PBX3: variants seen among roughly 807,000 people sequenced by gnomAD.
PBX3 encodes pre-B-cell leukemia transcription factor 3.
A neutral mutation model predicts 48.5 loss-of-function variants in PBX3; 14 were observed. That is an observed-to-expected ratio of 0.29 (90% CI 0.19 to 0.45). The LOEUF is 0.45. Among genes scored for constraint, PBX3 ranks in the 20% least tolerant of loss-of-function variants. The probability of loss-of-function intolerance (pLI) is 1.00; values close to 1 mark genes in which losing one functional copy is unlikely to be tolerated. For synonymous variants in PBX3, 210 were observed against 200.3 expected (o/e 1.05, Z -0.41); for missense variants, 386 against 546.7 (o/e 0.71, Z 2.93).
At chr9:125,761,156 T>C (rs1836655876) in intron 2 of PBX3, among the ~76,000 whole-genome samples, 1 of 152,122 alleles carries the variant, frequency 6.6e-6, no homozygotes, top group Non-Finnish European at 1.5e-5. Context: ...TCAGTGCCAA[T>C]AAATTATACA....
intron 2 of PBX3, among the ~76,000 whole-genome samples, chr9:125,804,961 AAAAAAGAAG>A (rs1838078103): frequency 1.7e-5 from 1 of 60,476 alleles, no homozygotes; most frequent in African/African-American, 3.7e-5. Context: ...AAAAAAAAAA[AAAAAAGAAG>A]AAGAAGAAGA....
At chr9:125,888,968 T>C (rs576867167) in intron 2 of PBX3, among the ~76,000 whole-genome samples, 1 of 152,264 alleles carries the variant, frequency 6.6e-6, no homozygotes, top group South Asian at 2.1e-4. Context: ...AAATGTACAT[T>C]TTTGGGTGTA....
chr9:125,847,492 T>G (rs111795829), intron 2 of PBX3, among the ~76,000 whole-genome samples: 3,898 of 152,032 alleles, frequency 0.026, 65 homozygotes, highest in Middle Eastern at 0.051. Flanking sequence ...TGTATTAAAT[T>G]TATAAAGCAG....
At chr9:125,809,421 A>C (rs1341428554) in intron 2 of PBX3, among the ~76,000 whole-genome samples, 1 of 151,092 alleles carries the variant, frequency 6.6e-6, no homozygotes, top group Non-Finnish European at 1.5e-5. Context: ...TTTCCATCTC[A>C]ATGCTGATTT....
chr9:125,838,713 A>G (rs769738779), intron 2 of PBX3, among the ~76,000 whole-genome samples: 1 of 152,260 alleles, frequency 6.6e-6, no homozygotes, highest in Non-Finnish European at 1.5e-5. Flanking sequence ...AGTGACAAAA[A>G]TATAGATAGA....
At chr9:125,824,031 G>A (rs907958209) in intron 2 of PBX3, among the ~76,000 whole-genome samples, 4 of 151,060 alleles carry the variant, frequency 2.6e-5, no homozygotes. Context: ...AGCTGAGATC[G>A]TGCCACTGCA....
At chr9:125,938,981 ATG>A (rs144168364) in intron 5 of PBX3, among the ~76,000 whole-genome samples, 30 of 151,006 alleles carry the variant, frequency 2.0e-4, no homozygotes, top group African/African-American at 5.6e-4. Flanking sequence ...TTGCATGTAT[ATG>A]TGTGTGTGTG....
At chr9:125,912,972 TG>T (rs1332758883) in intron 2 of PBX3, among the ~76,000 whole-genome samples, 1 of 152,070 alleles carries the variant, frequency 6.6e-6, no homozygotes, top group Non-Finnish European at 1.5e-5. Context: ...AGGAATAAAA[TG>T]GTAACTAAAT....
chr9:125,822,882 C>T (rs1838693684), intron 2 of PBX3, among the ~76,000 whole-genome samples: 1 of 151,882 alleles, frequency 6.6e-6, no homozygotes. Flanking sequence ...TGAAACACCC[C>T]ATAATGAGTA....
At chr9:125,940,999 G>A (rs1206070466) in intron 5 of PBX3, among the ~76,000 whole-genome samples, 1 of 152,064 alleles carries the variant, frequency 6.6e-6, no homozygotes, top group East Asian at 1.9e-4. Flanking sequence ...ACAAAAACAA[G>A]CCTGCCTTCA....
intron 2 of PBX3, among the ~76,000 whole-genome samples, chr9:125,826,177 G>C (rs540566672): frequency 6.6e-6 from 1 of 151,966 alleles, no homozygotes; most frequent in Non-Finnish European, 1.5e-5. Context: ...ATCTTACCAG[G>C]TTCTTTTGAG....
At chr9:125,846,198 C>T (rs970214623) in intron 2 of PBX3, among the ~76,000 whole-genome samples, 2 of 151,904 alleles carry the variant, frequency 1.3e-5, no homozygotes, top group Non-Finnish European at 2.9e-5. Flanking sequence ...GACAGAAAAA[C>T]ACAGTTATAA....
Position 125,950,670 on chromosome 9 carries a change from C to T in PBX3, c.844-10014C>T, listed in dbSNP as rs374753983. 1.9e-3 allele frequency among the ~76,000 whole-genome samples: 287 copies of T among 152,012 alleles called. 2 individuals carry two copies. Among genetic ancestry groups the T allele is most frequent in the African/African-American group, 6.4e-3 (264 of 41,484 alleles). On this transcript the variant is annotated intron_variant, in intron 5 of 8. Coordinates refer to ENST00000373489, the MANE Select transcript of PBX3 (RefSeq NM_006195.6). ...CTAATTTTTGTATTTTTAGTAGAGA[C>T]GGGGTTTCACCATGTTGGCCAGGCT...
intron 2 of PBX3, among the ~76,000 whole-genome samples, 180 bp from the exon 3 acceptor site, chr9:125,915,506 T>G (rs906978158): frequency 7.9e-5 from 12 of 152,158 alleles, no homozygotes; most frequent in African/African-American, 2.9e-4. Context: ...AACACTATCT[T>G]AAAAATAATT....
intron 2 of PBX3, among the ~76,000 whole-genome samples, chr9:125,866,534 A>T (rs952675643): frequency 2.0e-5 from 3 of 152,202 alleles, no homozygotes; most frequent in Non-Finnish European, 4.4e-5. Flanking sequence ...AGATGAACAA[A>T]GACATCTCTC....
intron 2 of PBX3, among the ~76,000 whole-genome samples, chr9:125,818,717 C>T (rs746770897): frequency 3.3e-5 from 5 of 151,968 alleles, no homozygotes; most frequent in Non-Finnish European, 5.9e-5. Flanking sequence ...TGGTCTTGAA[C>T]TCCTGGGCTC....
rs1047901948 is a variant in PBX3 at position 125,967,123 on chromosome 9, G to A, written c.*1200G>A. 3.3e-5 allele frequency: 5 copies of A among 149,434 alleles called. No homozygotes were observed. Among genetic ancestry groups the A allele is most frequent in the Admixed American group, 6.7e-5 (1 of 14,930 alleles). The allele number at this position is 149,434 out of a possible 1,614,324, so 9.3% of individuals were successfully genotyped here. On this transcript the variant is annotated 3_prime_UTR_variant, in exon 9 of 9. Coordinates refer to ENST00000373489, the MANE Select transcript of PBX3 (RefSeq NM_006195.6). ...AAAAAAAGCAGCGACTAATTGTGAT[G>A]CATTCAGATTTCAGTATTCAGTACT...
At chr9:125,902,895 T>C (rs1167929892) in intron 2 of PBX3, among the ~76,000 whole-genome samples, 1 of 151,786 alleles carries the variant, frequency 6.6e-6, no homozygotes, top group East Asian at 1.9e-4. Flanking sequence ...AAATAACACT[T>C]GTAAACATAA....
At chr9:125,903,891 C>G in intron 2 of PBX3, among the ~76,000 whole-genome samples, 1 of 151,796 alleles carries the variant, frequency 6.6e-6, no homozygotes, top group Non-Finnish European at 1.5e-5. Flanking sequence ...GCTTTTTCAC[C>G]TTCCAGCTGT....
Sources: gnomAD v4.1 joint callset for allele counts (sites outside exome capture counted in the v4.1 genomes callset) on GRCh38, gnomAD v4.1.1 for gene constraint, MANE v1.5 for transcripts, NCBI Gene and HGNC (gene_info 2026-07-23, HGNC 2026-07-21) for gene names.